The following NRF1 variants were observed in gnomAD, a reference collection of about 807,000 sequenced individuals.
The protein encoded by NRF1 is nuclear respiratory factor 1, also known as alpha palindromic-binding protein.
In NRF1, 5 loss-of-function variants were observed where a neutral mutation model predicts 58.5. That is an observed-to-expected ratio of 0.09 (90% CI 0.04 to 0.18). The LOEUF is 0.18. Ranked by LOEUF, NRF1 falls within the 10% of genes least tolerant of loss-of-function variation. NRF1 has a pLI of 1.00. For missense variants in NRF1, 288 were observed against 657.7 expected (o/e 0.44, Z 6.15); for synonymous variants, 224 against 246.7 (o/e 0.91, Z 0.86).
At chr7:129,666,865 T>G (rs145778410) in intron 2 of NRF1, among the ~76,000 whole-genome samples, 198 of 152,198 alleles carry the variant, frequency 1.3e-3, no homozygotes, top group African/African-American at 4.4e-3. Flanking sequence ...AATCAGGTTG[T>G]TTGTAATTTT....
intron 1 of NRF1, among the ~76,000 whole-genome samples, chr7:129,655,309 A>G (rs943162894): frequency 1.3e-5 from 2 of 152,086 alleles, no homozygotes; most frequent in African/African-American, 4.8e-5. Flanking sequence ...CCTTGCTGTA[A>G]TTACTTACTA....
At chr7:129,734,419 A>G (rs558054269) in intron 10 of NRF1, among the ~76,000 whole-genome samples, 1 of 152,316 alleles carries the variant, frequency 6.6e-6, no homozygotes, top group African/African-American at 2.4e-5. Flanking sequence ...CTCCACAAAT[A>G]CAGGGTGATA....
intron 5 of NRF1, among the ~76,000 whole-genome samples, chr7:129,701,857 A>T (rs1802833239): frequency 6.6e-6 from 1 of 152,238 alleles, no homozygotes; most frequent in Non-Finnish European, 1.5e-5. Flanking sequence ...TAAAATGGAA[A>T]TTCTATACCA....
chr7:129,665,013 C>T (rs928005212), intron 2 of NRF1, among the ~76,000 whole-genome samples: 2 of 152,024 alleles, frequency 1.3e-5, no homozygotes, highest in Non-Finnish European at 2.9e-5. Flanking sequence ...TAAAATAATG[C>T]GGGAAGGTAA....
intron 4 of NRF1, among the ~76,000 whole-genome samples, chr7:129,678,676 G>A (rs920691791): frequency 1.3e-5 from 2 of 152,126 alleles, no homozygotes; most frequent in Non-Finnish European, 2.9e-5. Flanking sequence ...TGGTGCCTGA[G>A]AAATAGCCTT....
chr7:129,731,611 CTTGTTTGTTTGT>C (rs71167211), intron 10 of NRF1, among the ~76,000 whole-genome samples: 23 of 149,698 alleles, frequency 1.5e-4, no homozygotes, highest in African/African-American at 4.0e-4. Context: ...CCTTCCTTTA[CTTGTTTGTTTGT>C]TTGTTTGTTT....
intron 1 of NRF1, among the ~76,000 whole-genome samples, chr7:129,617,144 T>A (rs915290515): frequency 1.3e-5 from 2 of 152,238 alleles, no homozygotes. Context: ...AAGTGGTGCC[T>A]GTTGGGATAA....
chr7:129,696,335 A>T (rs1164978909), intron 5 of NRF1, among the ~76,000 whole-genome samples: 1 of 152,212 alleles, frequency 6.6e-6, no homozygotes, highest in African/African-American at 2.4e-5. Flanking sequence ...TAACATGAAG[A>T]TGTCAACAAC....
At chr7:129,731,611 C>CTTGCTTGT (rs1803581012) in intron 10 of NRF1, among the ~76,000 whole-genome samples, 1 of 149,700 alleles carries the variant, frequency 6.7e-6, no homozygotes, top group African/African-American at 2.5e-5. Flanking sequence ...CCTTCCTTTA[C>CTTGCTTGT]TTGTTTGTTT....
intron 5 of NRF1, among the ~76,000 whole-genome samples, chr7:129,693,167 G>A (rs1283873292): frequency 6.6e-6 from 1 of 152,180 alleles, no homozygotes; most frequent in Non-Finnish European, 1.5e-5. Flanking sequence ...CAGAGTTAGA[G>A]CAAAAATGAG....
intron 1 of NRF1, among the ~76,000 whole-genome samples, chr7:129,656,267 A>G (rs1261039246): frequency 1.3e-5 from 2 of 152,204 alleles, no homozygotes; most frequent in Admixed American, 1.3e-4. Context: ...CATGCATATA[A>G]TAAAGTATTA....
At chr7:129,655,219 A>G (rs1183516292) in intron 1 of NRF1, among the ~76,000 whole-genome samples, 4 of 152,116 alleles carry the variant, frequency 2.6e-5, no homozygotes, top group Non-Finnish European at 2.9e-5. Flanking sequence ...GGTGGTGCAA[A>G]TGTAAATGGT....
intron 8 of NRF1, among the ~76,000 whole-genome samples, chr7:129,715,227 C>G (rs552935867): frequency 6.6e-6 from 1 of 152,140 alleles, no homozygotes; most frequent in Non-Finnish European, 1.5e-5. Flanking sequence ...CATTTTTTAC[C>G]GTCCTGACTG....
intron 1 of NRF1, among the ~76,000 whole-genome samples, chr7:129,616,277 T>C (rs1198943192): frequency 6.6e-6 from 1 of 152,188 alleles, no homozygotes; most frequent in Non-Finnish European, 1.5e-5. Flanking sequence ...TTTACAGAGA[T>C]GTTCTAGTAT....
chr7:129,614,913 G>A (rs1281473479), intron 1 of NRF1, among the ~76,000 whole-genome samples: 4 of 152,198 alleles, frequency 2.6e-5, no homozygotes, highest in Non-Finnish European at 4.4e-5. Flanking sequence ...AAATCTCTGG[G>A]TTGTCTTTAG....
chr7:129,646,563 T>G (rs1164991163), intron 1 of NRF1, among the ~76,000 whole-genome samples: 1 of 152,022 alleles, frequency 6.6e-6, no homozygotes, highest in Non-Finnish European at 1.5e-5. Context: ...GGTAATCTGA[T>G]CTCCTAGTGG....
At chr7:129,613,288 G>C (rs1800583085) in intron 1 of NRF1, among the ~76,000 whole-genome samples, 1 of 152,090 alleles carries the variant, frequency 6.6e-6, no homozygotes, top group Non-Finnish European at 1.5e-5. Context: ...TCTTGGAGAT[G>C]CTGTTTGTGT....
At chr7:129,733,965 G>T (rs930988649) in intron 10 of NRF1, among the ~76,000 whole-genome samples, 1 of 151,954 alleles carries the variant, frequency 6.6e-6, no homozygotes, top group African/African-American at 2.4e-5. Flanking sequence ...CGAGGCTGCA[G>T]TGAGCCAAGA....
At chr7:129,619,148 GAAGT>G (rs1252044737) in intron 1 of NRF1, among the ~76,000 whole-genome samples, 1 of 151,802 alleles carries the variant, frequency 6.6e-6, no homozygotes, top group East Asian at 1.9e-4. Flanking sequence ...AGAAACCTAT[GAAGT>G]AAGTTGAGAA....
Sources: gnomAD v4.1 joint callset for allele counts (sites outside exome capture counted in the v4.1 genomes callset) on GRCh38, gnomAD v4.1.1 for gene constraint, MANE v1.5 for transcripts, NCBI Gene and HGNC (gene_info 2026-07-23, HGNC 2026-07-21) for gene names.